The following MYRFL variants were observed in gnomAD, a reference collection of about 807,000 sequenced individuals.
The protein encoded by MYRFL is myelin regulatory factor-like protein.
MYRFL carries 88 observed loss-of-function variants against 109.4 expected under a neutral mutation model. The ratio of observed to expected loss-of-function variants is 0.80; its 90% CI spans 0.68 to 0.96. MYRFL has a LOEUF of 0.96. Among genes scored for constraint, MYRFL ranks in the 40% least tolerant of loss-of-function variants. The pLI, the probability that MYRFL is intolerant of heterozygous loss-of-function variation, is 0.00. For synonymous variants in MYRFL, 324 were observed against 320.9 expected, an observed-to-expected ratio of 1.01 and a Z score of -0.10; for missense variants, 957 against 954.9, an observed-to-expected ratio of 1.00 and a Z score of -0.03.
chr12:69,936,722 C>T (rs1195017529), intron 19 of MYRFL, 90 bp downstream of exon 19: 1 of 1,192,504 alleles, frequency 8.4e-7, no homozygotes, highest in African/African-American at 1.6e-5. Flanking sequence ...TTAATGGTTC[C>T]AGATAATGGT....
At chr12:69,931,182 G>A (rs1202746774) in intron 15 of MYRFL, among the ~76,000 whole-genome samples, 1 of 152,214 alleles carries the variant, frequency 6.6e-6, no homozygotes, top group Non-Finnish European at 1.5e-5. Flanking sequence ...AAAGCATGGA[G>A]ACTTAAAATA....
intron 1 of MYRFL, among the ~76,000 whole-genome samples, chr12:69,828,457 T>C (rs1355764490): frequency 6.6e-6 from 1 of 152,154 alleles, no homozygotes; most frequent in South Asian, 2.1e-4. Flanking sequence ...AGTAGTTAAA[T>C]ACAATCTGTG....
At chr12:69,930,611 G>C (rs1363980085) in intron 15 of MYRFL, among the ~76,000 whole-genome samples, 3 of 151,904 alleles carry the variant, frequency 2.0e-5, no homozygotes, top group Non-Finnish European at 4.4e-5. Flanking sequence ...TTGAGCCCAG[G>C]AGTTCAAGAC....
At chr12:69,843,616 AT>A (rs1187226529) in intron 1 of MYRFL, among the ~76,000 whole-genome samples, 2 of 152,132 alleles carry the variant, frequency 1.3e-5, no homozygotes, top group Non-Finnish European at 2.9e-5. Flanking sequence ...GCATATGTAG[AT>A]TTTTTAGTAG....
At chr12:69,877,981 G>A (rs1039633049) in intron 2 of MYRFL, among the ~76,000 whole-genome samples, 23 of 152,048 alleles carry the variant, frequency 1.5e-4, no homozygotes, top group Non-Finnish European at 2.5e-4. Context: ...CATGGCTCAC[G>A]CCTGTAATCC....
chr12:69,883,747 A>T (rs1301837741), intron 5 of MYRFL, among the ~76,000 whole-genome samples: 1 of 151,674 alleles, frequency 6.6e-6, no homozygotes, highest in East Asian at 1.9e-4. Flanking sequence ...GTGGTGGCAC[A>T]TGCCTGTGGT....
At chr12:69,951,972 T>C in intron 19 of MYRFL, 141 bp from the exon 20 acceptor site, 1 of 668,604 alleles carries the variant, frequency 1.5e-6, no homozygotes, top group Admixed American at 2.6e-5. Context: ...AGAAACAGGA[T>C]AGAGATTAGA....
chr12:69,937,003 C>G (rs976887085), intron 19 of MYRFL, among the ~76,000 whole-genome samples: 2 of 152,108 alleles, frequency 1.3e-5, no homozygotes, highest in African/African-American at 4.8e-5. Flanking sequence ...CCTAAACTGA[C>G]TAGGGCAAAA....
At chr12:69,914,198 T>C (rs1739023872) in intron 13 of MYRFL, among the ~76,000 whole-genome samples, 1 of 152,148 alleles carries the variant, frequency 6.6e-6, no homozygotes, top group Non-Finnish European at 1.5e-5. Context: ...ATACTGAAGT[T>C]TTCCAATAAA....
At chr12:69,909,371 CAAT>C (rs1445986002) in intron 11 of MYRFL, among the ~76,000 whole-genome samples, 3 of 152,126 alleles carry the variant, frequency 2.0e-5, no homozygotes, top group African/African-American at 2.4e-5. Flanking sequence ...CTTAAAACAA[CAAT>C]AACAAAATAT....
At chr12:69,957,976 G>C in intron 23 of MYRFL, 34 bp downstream of exon 23, 3 of 1,520,426 alleles carry the variant, frequency 2.0e-6, no homozygotes, top group Non-Finnish European at 2.6e-6. Context: ...TCCCCGCTGA[G>C]AGAGGGATAC....
intron 16 of MYRFL, among the ~76,000 whole-genome samples, chr12:69,935,627 C>T (rs759329933): frequency 1.8e-4 from 27 of 152,186 alleles, no homozygotes; most frequent in Non-Finnish European, 3.7e-4. Context: ...GACAGGCAGC[C>T]GGAAGGAAGA....
intron 2 of MYRFL, among the ~76,000 whole-genome samples, chr12:69,873,778 A>G (rs1885494895): frequency 6.6e-6 from 1 of 152,158 alleles, no homozygotes; most frequent in Non-Finnish European, 1.5e-5. Context: ...AACCTTAGAA[A>G]GTGAAACCAT....
At chr12:69,856,914 G>A (rs1884327252) in intron 2 of MYRFL, among the ~76,000 whole-genome samples, 1 of 151,636 alleles carries the variant, frequency 6.6e-6, no homozygotes, top group Admixed American at 6.6e-5. Flanking sequence ...CCAATTTATT[G>A]AATTTTTCTT....
chr12:69,837,864 G>A lies in MYRFL; in HGVS notation c.46+12301G>A, dbSNP rs149890559. Among the ~76,000 whole-genome samples the A allele has an allele frequency of 3.2e-3, 481 of 152,104 alleles. 4 individuals are homozygous for A. Among genetic ancestry groups the A allele is most frequent in the Middle Eastern group, 0.02 (6 of 294 alleles). On this transcript the variant is annotated intron_variant, in intron 1 of 24. Transcript: ENST00000552032. Reference sequence around the variant, plus strand: ...AGTATGTAATGAATGCCTTTTTTCCGTGTCTGTCTCCTATGGACACCTGGA... The same window carrying A: ...AGTATGTAATGAATGCCTTTTTTCCATGTCTGTCTCCTATGGACACCTGGA...
chr12:69,942,651 G>C (rs1353721961), intron 19 of MYRFL, among the ~76,000 whole-genome samples: 25 of 149,474 alleles, frequency 1.7e-4, no homozygotes, highest in South Asian at 4.3e-4. Context: ...TCTCTCACCA[G>C]TCCTATTCAA....
Position 69,853,154 on chromosome 12 carries a change from C to T in MYRFL, c.47-2126C>T, listed in dbSNP as rs546442173. Among the ~76,000 whole-genome samples the T allele has an allele frequency of 2.0e-3, 309 of 151,558 alleles. 1 individual carries two copies. Among genetic ancestry groups the T allele is most frequent in the Middle Eastern group, 6.8e-3 (2 of 294 alleles). The stretch of plus-strand genomic sequence containing the variant: ...GCAGAGGGGCTCCTCACTTCCCAGA[C>T]GGGGCGGCTAGGCAGAGGCGCCCCC... On this transcript the variant is annotated intron_variant, in intron 1 of 24. Coordinates refer to ENST00000552032, the MANE Select transcript of MYRFL (RefSeq NM_182530.3).
intron 4 of MYRFL, among the ~76,000 whole-genome samples, chr12:69,879,742 A>G (rs1022963455): frequency 1.7e-4 from 26 of 152,242 alleles, no homozygotes; most frequent in Non-Finnish European, 4.4e-5. Context: ...AGCCTCAGCT[A>G]GACTACCCAA....
At chr12:69,900,553 T>C (rs1048122142) in intron 10 of MYRFL, among the ~76,000 whole-genome samples, 5 of 152,200 alleles carry the variant, frequency 3.3e-5, no homozygotes, top group African/African-American at 1.2e-4. Context: ...GATGCTGATA[T>C]TGCTAGCCTG....
Sources: allele counts gnomAD v4.1 joint callset (sites outside exome capture counted in the v4.1 genomes callset), GRCh38; gene constraint gnomAD v4.1.1; transcripts MANE v1.5; gene names NCBI Gene and HGNC (gene_info 2026-07-23, HGNC 2026-07-21).